MEIS1: variants seen among roughly 807,000 people sequenced by gnomAD.
MEIS1 encodes Meis homeobox 1.
A neutral mutation model predicts 50.8 loss-of-function variants in MEIS1; 5 were observed. The ratio of observed to expected loss-of-function variants is 0.10; its 90% CI spans 0.05 to 0.21. The LOEUF (loss-of-function observed/expected upper bound fraction) is 0.21, where lower values mean the gene tolerates loss of function less well. Ranked by LOEUF, MEIS1 falls within the 10% of genes least tolerant of loss-of-function variation. The pLI, the probability that MEIS1 is intolerant of heterozygous loss-of-function variation, is 1.00. For missense variants in MEIS1, 318 were observed against 517.3 expected, an observed-to-expected ratio of 0.61 and a Z score of 3.74; for synonymous variants, 176 against 179.3, an observed-to-expected ratio of 0.98 and a Z score of 0.15.
intron 7 of MEIS1, among the ~76,000 whole-genome samples, chr2:66,511,257 C>T (rs1373435490): frequency 6.6e-6 from 1 of 152,066 alleles, no homozygotes; most frequent in African/African-American, 2.4e-5. Context: ...TCTTATTAAA[C>T]ATGGCATTTT....
At chr2:66,489,921 A>G (rs1261114729) in intron 7 of MEIS1, among the ~76,000 whole-genome samples, 2 of 152,164 alleles carry the variant, frequency 1.3e-5, no homozygotes, top group Non-Finnish European at 1.5e-5. Context: ...AATTTTATCT[A>G]TTTTTCACAT....
At chr2:66,565,441 T>TTA (rs1026543629) in intron 9 of MEIS1, among the ~76,000 whole-genome samples, 5 of 152,186 alleles carry the variant, frequency 3.3e-5, no homozygotes, top group African/African-American at 1.2e-4. Flanking sequence ...CAGCTAATTT[T>TTA]TATATATCTA....
At chr2:66,521,065 A>G (rs1390437660) in intron 8 of MEIS1, among the ~76,000 whole-genome samples, 1 of 152,256 alleles carries the variant, frequency 6.6e-6, no homozygotes, top group Non-Finnish European at 1.5e-5. Flanking sequence ...ATTAGTAACT[A>G]AGGGTCAAGA....
chr2:66,469,475 C>A (rs1672717918), intron 7 of MEIS1, among the ~76,000 whole-genome samples: 1 of 152,126 alleles, frequency 6.6e-6, no homozygotes, highest in East Asian at 1.9e-4. Context: ...TGGGGAAGGG[C>A]CACATTATGT....
intron 9 of MEIS1, among the ~76,000 whole-genome samples, chr2:66,552,508 G>C (rs969688747): frequency 3.3e-5 from 5 of 152,140 alleles, no homozygotes; most frequent in Admixed American, 2.0e-4. Context: ...AGATGACACT[G>C]TTCAGAACTA....
Position 66,437,971 on chromosome 2 carries a change from C to T in MEIS1, c.239+8C>T, listed in dbSNP as rs1235836186. On this transcript the variant is annotated splice_region_variant and intron_variant, in intron 2 of 12. Coordinates refer to ENST00000272369, the MANE Select transcript of MEIS1 (RefSeq NM_002398.3). ...TAAAGATGCCATTTATGGGTAGGTA[C>T]AATGGGCAGCAGGTTAAGTAGTTGA... The T allele has an allele frequency of 6.4e-6, 10 of 1,555,108 alleles. No homozygotes were observed. Among genetic ancestry groups the T allele is most frequent in the Non-Finnish European group, 8.7e-6 (10 of 1,148,382 alleles).
chr2:66,533,050 G>A (rs539709595), intron 8 of MEIS1, among the ~76,000 whole-genome samples: 1 of 152,254 alleles, frequency 6.6e-6, no homozygotes, highest in Admixed American at 6.5e-5. Flanking sequence ...ATTTCCAAAG[G>A]TTTGTTTTTA....
intron 7 of MEIS1, among the ~76,000 whole-genome samples, chr2:66,492,581 G>A (rs1673299258): frequency 6.6e-6 from 1 of 152,206 alleles, no homozygotes; most frequent in Non-Finnish European, 1.5e-5. Context: ...GATGTCAGGA[G>A]TATGCAAAAG....
At chr2:66,461,836 T>C (rs781234618) in intron 6 of MEIS1, 1 of 469,274 alleles carries the variant, frequency 2.1e-6, no homozygotes, top group South Asian at 1.6e-5. Flanking sequence ...GCAAGGAAAA[T>C]CTTTTCATGG....
chr2:66,451,169 T>C (rs1672268426), intron 6 of MEIS1, among the ~76,000 whole-genome samples: 1 of 152,156 alleles, frequency 6.6e-6, no homozygotes, highest in Admixed American at 6.5e-5. Flanking sequence ...TTGTCTTCCC[T>C]AGAGCTGTGA....
At chr2:66,447,202 A>G (rs1025470851) in intron 6 of MEIS1, among the ~76,000 whole-genome samples, 1 of 152,178 alleles carries the variant, frequency 6.6e-6, no homozygotes. Flanking sequence ...TCATCCAATA[A>G]GAAAAGTGGA....
chr2:66,501,537 G>T (rs1485260864), intron 7 of MEIS1, among the ~76,000 whole-genome samples: 2 of 149,914 alleles, frequency 1.3e-5, no homozygotes, highest in Non-Finnish European at 1.5e-5. Flanking sequence ...TTTGTCCTCT[G>T]TGTGTAGGCA....
At chr2:66,440,343 GA>G in intron 3 of MEIS1, 2 of 608,540 alleles carry the variant, frequency 3.3e-6, no homozygotes, top group Non-Finnish European at 5.8e-6. Context: ...GTTGCTAGTA[GA>G]AGTAAGATTG....
At chr2:66,511,564 T>A (rs1673830914) in intron 7 of MEIS1, among the ~76,000 whole-genome samples, 2 of 152,234 alleles carry the variant, frequency 1.3e-5, no homozygotes, top group South Asian at 4.1e-4. Flanking sequence ...GGGTTTTTCC[T>A]TTACTAAACT....
At chr2:66,538,205 A>G (rs1445360513) in intron 8 of MEIS1, among the ~76,000 whole-genome samples, 1 of 152,232 alleles carries the variant, frequency 6.6e-6, no homozygotes, top group Non-Finnish European at 1.5e-5. Context: ...AGAATAACAC[A>G]GTAATTAAAA....
chr2:66,493,996 T>G (rs1673335529), intron 7 of MEIS1, among the ~76,000 whole-genome samples: 1 of 152,206 alleles, frequency 6.6e-6, no homozygotes, highest in Non-Finnish European at 1.5e-5. Context: ...TTTAGCCATC[T>G]AATTGTTTCC....
At chr2:66,440,309 T>G in intron 3 of MEIS1, 1 of 595,556 alleles carries the variant, frequency 1.7e-6, no homozygotes, top group Non-Finnish European at 3.0e-6. Context: ...CTCGGCGGTC[T>G]GAGCAGCCTC....
intron 7 of MEIS1, among the ~76,000 whole-genome samples, chr2:66,507,870 G>A (rs1219313270): frequency 6.6e-6 from 1 of 152,220 alleles, no homozygotes; most frequent in Non-Finnish European, 1.5e-5. Context: ...TTTGAAATCT[G>A]AGCTCTCTGA....
chr2:66,556,938 G>T (rs571647505), intron 9 of MEIS1, among the ~76,000 whole-genome samples: 52 of 152,042 alleles, frequency 3.4e-4, no homozygotes, highest in Non-Finnish European at 6.0e-4. Flanking sequence ...GCGCAGAGAG[G>T]GGGTAGCGGG....
Sources: allele counts gnomAD v4.1 joint callset (sites outside exome capture counted in the v4.1 genomes callset), GRCh38; gene constraint gnomAD v4.1.1; transcripts MANE v1.5; gene names NCBI Gene and HGNC (gene_info 2026-07-23, HGNC 2026-07-21).